GAS2L3: variants seen among roughly 807,000 people sequenced by gnomAD.
GAS2L3 encodes the protein growth arrest specific 2 like 3.
Under a neutral mutation model 37.0 loss-of-function variants are expected in GAS2L3, and 28 were observed. The observed-to-expected ratio is 0.76, with a 90% CI of 0.56 to 1.04. The LOEUF (loss-of-function observed/expected upper bound fraction) is 1.04. Ranked by LOEUF, GAS2L3 falls within the 50% of genes least tolerant of loss-of-function variation. The pLI, the probability that GAS2L3 is intolerant of heterozygous loss-of-function variation, is 0.00. For missense variants in GAS2L3, 793 were observed against 817.6 expected, an observed-to-expected ratio of 0.97 and a Z score of 0.37; for synonymous variants, 290 against 296.6, an observed-to-expected ratio of 0.98 and a Z score of 0.23.
In GAS2L3 at chr12:100,623,988, C is replaced by A. The variant is rs1362128371; in HGVS notation, c.1183C>A (p.Pro395Thr). ...GTCTTCAAAAGGCATAACGAAGAAA[C>A]CGCAGGCTCCTTCAAACAATGCATC... is the stretch of plus-strand genomic sequence containing the variant. ...LKSSKGITKKPQAPSNNASSS... is the reference protein window; with the variant it reads ...LKSSKGITKKTQAPSNNASSS... The change falls in exon 10 of 10, where the codon CCG becomes ACG. Residue 395 changes from proline to threonine, a missense_variant. By Grantham distance (38) the Pro-to-Thr change is conservative. Coordinates refer to ENST00000547754, the MANE Select transcript of GAS2L3 (RefSeq NM_174942.3). 1 of 1,614,086 alleles carries A rather than the reference C, an allele frequency of 6.2e-7. No individual in the cohort carries two copies. Among genetic ancestry groups the A allele is most frequent in the East Asian group, 2.2e-5 (1 of 44,864 alleles).
At chr12:100,576,536 G>A (rs1955639264) in intron 1 of GAS2L3, among the ~76,000 whole-genome samples, 1 of 152,132 alleles carries the variant, frequency 6.6e-6, no homozygotes, top group South Asian at 2.1e-4. Context: ...GTCATGCAAT[G>A]GACATAGAAT....
At chr12:100,584,399 T>G (rs1334365702) in intron 1 of GAS2L3, among the ~76,000 whole-genome samples, 1 of 152,316 alleles carries the variant, frequency 6.6e-6, no homozygotes, top group Admixed American at 6.5e-5. Flanking sequence ...ATGTTGGATT[T>G]TCACAGGTCT....
At chr12:100,620,210 C>T (rs559122568) in intron 8 of GAS2L3, among the ~76,000 whole-genome samples, 34 of 151,922 alleles carry the variant, frequency 2.2e-4, no homozygotes, top group African/African-American at 8.0e-4. Context: ...AACGGTTTGG[C>T]AAATTAGGAT....
chr12:100,579,948 G>C, intron 1 of GAS2L3: 1 of 786,632 alleles, frequency 1.3e-6, no homozygotes, highest in Non-Finnish European at 2.3e-6. Context: ...CCAAGTATCA[G>C]TGGAATCTGT....
chr12:100,616,178 G>A (rs1956185395), intron 6 of GAS2L3, among the ~76,000 whole-genome samples: 1 of 152,070 alleles, frequency 6.6e-6, no homozygotes, highest in African/African-American at 2.4e-5. Flanking sequence ...ATAGTTTTCA[G>A]TGTACAAGTA....
rs781114420 is a variant in GAS2L3 at position 100,622,391 on chromosome 12, A to G, written c.756+9A>G. 3 of 1,278,420 alleles carry G rather than the reference A, an allele frequency of 2.3e-6. No individual in the cohort carries two copies. Among genetic ancestry groups the G allele is most frequent in the Non-Finnish European group, 2.3e-6 (2 of 884,086 alleles). The allele number at this position is 1,278,420 out of a possible 1,614,324, so 79.2% of individuals were successfully genotyped here. On this transcript the variant is annotated intron_variant, in intron 9 of 9. Transcript: ENST00000547754. ...AAATACTCTTTATAAGAGTAAGTCCATTATTTACACTTTATTTACACATAA... is the reference window on the plus strand; with the variant it reads ...AAATACTCTTTATAAGAGTAAGTCCGTTATTTACACTTTATTTACACATAA...
chr12:100,617,749 C>G lies in GAS2L3; in HGVS notation c.451C>G (p.His151Asp). The change falls in exon 7 of 10, where the codon CAC (histidine) becomes GAC (aspartate). Residue 151 changes from histidine (H) to aspartate (D), a missense_variant. Transcript: ENST00000547754. The stretch of plus-strand genomic sequence containing the variant: ...AGTGGTTTTATTTTCCACAGTTTTG[C>G]ACAAAGATCCAAGACAGGTGTATCT... ...YLFESEGLVL[H>D]KDPRQVYLCL... 6.2e-7 allele frequency: 1 copy of G among 1,602,436 alleles called. No homozygotes were observed. The highest frequency in any genetic ancestry group is 8.5e-7 in the Non-Finnish European group (1 of 1,170,526).
At position 100,600,478 on chromosome 12, in the gene GAS2L3, A is replaced by C; in HGVS notation, c.115A>C (p.Ile39Leu). The change falls in exon 4 of 10, where the codon ATA (isoleucine) becomes CTA (leucine). Residue 39 changes from isoleucine (I) to leucine (L), a missense_variant. Physicochemically the swap from Ile to Leu is conservative, Grantham distance 5. Coordinates refer to ENST00000547754, the MANE Select transcript of GAS2L3 (RefSeq NM_174942.3). ...TAATGTTTGTCAGTACGATGAGTGG[A>C]TAGCTGTGAGGCATGAAGCCACTTT... is the stretch of plus-strand genomic sequence containing the variant. ...LANVCQYDEW[I>L]AVRHEATLLP... The C allele has an allele frequency of 6.2e-7, 1 of 1,613,550 alleles. No homozygotes were observed. Among genetic ancestry groups the C allele is most frequent in the Non-Finnish European group, 8.5e-7 (1 of 1,179,592 alleles).
Position 100,627,659 on chromosome 12 carries a change from GT to G in GAS2L3, c.*2772del, listed in dbSNP as rs1367625389. The G allele has an allele frequency of 6.6e-6, 1 of 152,170 alleles. No homozygotes were observed. The highest frequency in any genetic ancestry group is 1.5e-5 in the Non-Finnish European group (1 of 68,024). The allele number at this position is 152,170 out of a possible 1,614,324, so 9.4% of individuals were successfully genotyped here. A position where few individuals can be genotyped will look rare whatever the true frequency, so the allele number is the denominator to read the frequency against. ...TTTGAAATTCTCCTAAAGAGCTAGT[GT>G]TTCTATTCATTTTCACAATTTAAAA... On this transcript the variant is annotated 3_prime_UTR_variant, in exon 10 of 10. Coordinates refer to ENST00000547754, the MANE Select transcript of GAS2L3 (RefSeq NM_174942.3).
At position 100,624,627 on chromosome 12, in the gene GAS2L3, C is replaced by T. The variant is rs995220492; in HGVS notation, c.1822C>T (p.Pro608Ser). 5 of 1,614,074 alleles carry T rather than the reference C, an allele frequency of 3.1e-6. No individual in the cohort carries two copies. The South Asian group carries it at 5.5e-5, about 18-fold the overall frequency. ...QKTGPSSLKS[P>S]GRTPLSIVSL... is the part of the protein sequence containing the mutation. The stretch of plus-strand genomic sequence containing the variant: ...GACAGGACCCAGCTCCTTGAAGTCT[C>T]CTGGCCGTACCCCACTGTCCATCGT... The change falls in exon 10 of 10, where the codon CCT becomes TCT. Residue 608 changes from proline to serine, a missense_variant. Coordinates refer to ENST00000547754, the MANE Select transcript of GAS2L3 (RefSeq NM_174942.3).
intron 1 of GAS2L3, among the ~76,000 whole-genome samples, chr12:100,581,495 G>C (rs1400140078): frequency 6.6e-6 from 1 of 152,166 alleles, no homozygotes; most frequent in East Asian, 1.9e-4. Flanking sequence ...GTGATTATGA[G>C]ATTTTAAAAA....
intron 1 of GAS2L3, among the ~76,000 whole-genome samples, chr12:100,576,694 T>C (rs1027483267): frequency 3.9e-5 from 6 of 152,234 alleles, no homozygotes; most frequent in African/African-American, 1.4e-4. Flanking sequence ...ATTTCTTTAA[T>C]GTTTCTCCTA....
In GAS2L3 at chr12:100,612,074, A is replaced by G; in HGVS notation, c.378A>G (p.Ala126=). ...SGSFFARDNT[A]NFLHWCRDIG... is the part of the protein sequence containing the mutation. Reference sequence around the variant, plus strand: ...CATTCTTTGCTCGGGACAATACCGCAAACTTCCTTCACTGGTGTAGGGACA... The same window carrying G: ...CATTCTTTGCTCGGGACAATACCGCGAACTTCCTTCACTGGTGTAGGGACA... Residue 126 remains alanine, a synonymous_variant, in exon 6 of 10, where the codon GCA becomes GCG. Coordinates refer to ENST00000547754, the MANE Select transcript of GAS2L3 (RefSeq NM_174942.3). 6.2e-7 allele frequency: 1 copy of G among 1,612,370 alleles called. No individual in the cohort carries two copies. The highest frequency in any genetic ancestry group is 1.1e-5 in the South Asian group (1 of 91,044).
At chr12:100,610,289 T>C (rs993060611) in intron 5 of GAS2L3, among the ~76,000 whole-genome samples, 1 of 152,250 alleles carries the variant, frequency 6.6e-6, no homozygotes, top group African/African-American at 2.4e-5. Flanking sequence ...CGTTGGAATA[T>C]TATACATTCA....
At chr12:100,611,852 A>G (rs766783358) in intron 5 of GAS2L3, 148 bp from the exon 6 acceptor site, 4 of 623,480 alleles carry the variant, frequency 6.4e-6, no homozygotes, top group Non-Finnish European at 1.1e-5. Context: ...GTAAAATAAA[A>G]TAGTTTTCAA....
At chr12:100,610,400 G>A (rs548438921) in intron 5 of GAS2L3, among the ~76,000 whole-genome samples, 1 of 152,266 alleles carries the variant, frequency 6.6e-6, no homozygotes, top group African/African-American at 2.4e-5. Flanking sequence ...TCAAATTGAA[G>A]AATAGTTTAT....
rs192816592 is a variant in GAS2L3 at position 100,587,867 on chromosome 12, A to G, written c.-151-3869A>G. Among the ~76,000 whole-genome samples, 202 of 152,272 alleles carry G rather than the reference A, an allele frequency of 1.3e-3. 1 individual carries two copies. Among genetic ancestry groups the G allele is most frequent in the African/African-American group, 4.6e-3 (192 of 41,560 alleles). On this transcript the variant is annotated intron_variant, in intron 1 of 9. Transcript: ENST00000547754. ...GGAGATCAAGACCATCCTGGCTAACATGGTGAAACCCTGTCTCTACTAAAA... is the reference window on the plus strand; with the variant it reads ...GGAGATCAAGACCATCCTGGCTAACGTGGTGAAACCCTGTCTCTACTAAAA...
At chr12:100,582,468 AC>A (rs1422244855) in intron 1 of GAS2L3, among the ~76,000 whole-genome samples, 2 of 152,210 alleles carry the variant, frequency 1.3e-5, no homozygotes. Context: ...CCTGACAGAT[AC>A]CTTAATTGTA....
At position 100,595,407 on chromosome 12, in the gene GAS2L3, T is replaced by C. The variant is rs118189025; in HGVS notation, c.18+485T>C. 1.4e-4 allele frequency among the ~76,000 whole-genome samples: 21 copies of C among 151,340 alleles called. No homozygotes were observed. The South Asian group carries it at 4.4e-3, about 32-fold the overall frequency. ...AAATTTTAAAGAGTGGGTTTTTTTT[T>C]TTTTGTTTTGTTTTTTGTGGAGGGG... On this transcript the variant is annotated intron_variant, in intron 3 of 9. Transcript: ENST00000547754.
Sources: gnomAD v4.1 joint callset for allele counts (sites outside exome capture counted in the v4.1 genomes callset) on GRCh38, gnomAD v4.1.1 for gene constraint, MANE v1.5 for transcripts, NCBI Gene and HGNC (gene_info 2026-07-23, HGNC 2026-07-21) for gene names.